PRKN: variants seen among roughly 807,000 people sequenced by gnomAD.
The protein encoded by PRKN is parkin RBR E3 ubiquitin protein ligase.
In PRKN, 56 loss-of-function variants were observed where a neutral mutation model predicts 59.5. The observed-to-expected ratio is 0.94, with a 90% CI of 0.76 to 1.18. The LOEUF (loss-of-function observed/expected upper bound fraction) is 1.18, where lower values mean the gene tolerates loss of function less well. Ranked by LOEUF, PRKN falls within the 50% of genes most tolerant of loss-of-function variation. PRKN has a pLI of 0.00. For synonymous variants in PRKN, 250 were observed against 222.1 expected (o/e 1.13, Z -1.12); for missense variants, 657 against 596.4 (o/e 1.10, Z -1.06).
At chr6:161,570,760 G>A (rs550816756) in intron 7 of PRKN, among the ~76,000 whole-genome samples, 1 of 152,256 alleles carries the variant, frequency 6.6e-6, no homozygotes, top group Admixed American at 6.5e-5. Flanking sequence ...TTTTGGGTGA[G>A]TCAAAAGTTC....
chr6:162,529,836 G>A (rs1778437475), intron 1 of PRKN, among the ~76,000 whole-genome samples: 1 of 152,148 alleles, frequency 6.6e-6, no homozygotes, highest in Non-Finnish European at 1.5e-5. Flanking sequence ...AGTAGATAAA[G>A]TAAAAATCTT....
At chr6:162,480,554 A>G (rs912579874) in intron 1 of PRKN, among the ~76,000 whole-genome samples, 4 of 152,128 alleles carry the variant, frequency 2.6e-5, no homozygotes, top group South Asian at 4.1e-4. Flanking sequence ...GCAGTCACCC[A>G]AACAATGACC....
intron 1 of PRKN, among the ~76,000 whole-genome samples, chr6:162,460,122 C>T (rs774900574): frequency 6.6e-6 from 1 of 152,202 alleles, no homozygotes; most frequent in Non-Finnish European, 1.5e-5. Context: ...CCCAAATGCT[C>T]ATCAATTAAC....
At chr6:162,693,220 C>G (rs1777843968) in intron 1 of PRKN, among the ~76,000 whole-genome samples, 2 of 152,104 alleles carry the variant, frequency 1.3e-5, no homozygotes. Context: ...GATGTATGTG[C>G]CCAGCAGGGT....
intron 1 of PRKN, among the ~76,000 whole-genome samples, chr6:162,606,473 C>G (rs1183804460): frequency 2.0e-5 from 3 of 152,126 alleles, no homozygotes; most frequent in Non-Finnish European, 4.4e-5. Flanking sequence ...AACGTTTGAA[C>G]TGAAAGTGTA....
chr6:162,138,831 C>A (rs1781656744), intron 4 of PRKN, among the ~76,000 whole-genome samples: 1 of 152,038 alleles, frequency 6.6e-6, no homozygotes, highest in South Asian at 2.1e-4. Context: ...AGCAAGAGAA[C>A]CCATTCATAA....
At chr6:162,094,524 T>A (rs753666337) in intron 4 of PRKN, among the ~76,000 whole-genome samples, 30 of 152,074 alleles carry the variant, frequency 2.0e-4, no homozygotes, top group Non-Finnish European at 3.2e-4. Context: ...TTAATTAATT[T>A]AATTTAATTT....
At chr6:161,951,811 G>C (rs1481862992) in intron 6 of PRKN, among the ~76,000 whole-genome samples, 2 of 151,732 alleles carry the variant, frequency 1.3e-5, no homozygotes, top group African/African-American at 4.8e-5. Context: ...AATCCCAGCT[G>C]CTCGGGAGGC....
rs1487479790 is a variant in PRKN, at chr6:161,470,269, T to C, written c.1083+78585A>G. Among the ~76,000 whole-genome samples, 3 of 152,220 alleles carry C rather than the reference T, an allele frequency of 2.0e-5. No homozygotes were observed. The highest frequency in any genetic ancestry group is 2.1e-4 in the South Asian group (1 of 4,830). On this transcript the variant is annotated intron_variant, in intron 9 of 11. Coordinates refer to ENST00000366898, the MANE Select transcript of PRKN (RefSeq NM_004562.3). This position sits in a 1 kb window ranked among gnomAD's most constrained non-coding sequence, Gnocchi z 5.1. The stretch of plus-strand genomic sequence containing the variant: ...TTTAGTTATATTACTACCTTTGCTG[T>C]CATAGGCCCATTAGGGTATTATTTA...
Position 161,890,170 on chromosome 6 carries a change from T to C in PRKN, c.734+83132A>G, listed in dbSNP as rs945674089. Reference sequence around the variant, plus strand: ...ATGAAAATCAGTTCTTATTTTACAGTATTCTGAGAATGTTATCTTACTTCC... The same window carrying C: ...ATGAAAATCAGTTCTTATTTTACAGCATTCTGAGAATGTTATCTTACTTCC... On this transcript the variant is annotated intron_variant, in intron 6 of 11. Coordinates refer to ENST00000366898, the MANE Select transcript of PRKN (RefSeq NM_004562.3). Among the ~76,000 whole-genome samples the C allele has an allele frequency of 4.6e-5, 7 of 152,246 alleles. No homozygotes were observed. The South Asian group carries it at 1.4e-3, about 31-fold the overall frequency.
intron 5 of PRKN, among the ~76,000 whole-genome samples, chr6:161,973,935 T>C (rs1027722696): frequency 5.9e-5 from 9 of 152,120 alleles, no homozygotes; most frequent in Non-Finnish European, 1.3e-4. Context: ...CTACTGTAAA[T>C]AGCCACACAA....
intron 6 of PRKN, among the ~76,000 whole-genome samples, chr6:161,889,687 A>C (rs1795274434): frequency 6.6e-6 from 1 of 152,320 alleles, no homozygotes; most frequent in South Asian, 2.1e-4. Flanking sequence ...TCAAGTGTAC[A>C]TCAAAAGGAA....
intron 3 of PRKN, among the ~76,000 whole-genome samples, chr6:162,249,009 C>T (rs1171052130): frequency 6.6e-6 from 1 of 151,668 alleles, no homozygotes; most frequent in Non-Finnish European, 1.5e-5. Context: ...CTCCCGAGTA[C>T]CTGGGACTAC....
intron 9 of PRKN, among the ~76,000 whole-genome samples, chr6:161,532,105 AAATC>A (rs1458229492): frequency 3.3e-4 from 50 of 151,840 alleles, no homozygotes; most frequent in African/African-American, 7.2e-4. Flanking sequence ...GTTCTATTAA[AAATC>A]AATCAATCTA....
intron 1 of PRKN, among the ~76,000 whole-genome samples, chr6:162,619,607 C>T (rs1782572835): frequency 6.6e-6 from 1 of 152,040 alleles, no homozygotes; most frequent in African/African-American, 2.4e-5. Flanking sequence ...CTGACTGAAT[C>T]TGGACATTTT....
intron 6 of PRKN, among the ~76,000 whole-genome samples, chr6:161,832,538 C>A (rs552519079): frequency 6.7e-6 from 1 of 148,788 alleles, no homozygotes; most frequent in Non-Finnish European, 1.5e-5. Flanking sequence ...GCAGGAGAAT[C>A]GCTTGAACCC....
intron 3 of PRKN, among the ~76,000 whole-genome samples, chr6:162,235,983 A>AAG (rs374404350): frequency 1.2e-4 from 13 of 108,060 alleles, no homozygotes; most frequent in African/African-American, 5.1e-4. Flanking sequence ...GAAAGAAAGA[A>AAG]AGAAAGAAAG....
rs1447206665 is a variant in PRKN, at chr6:162,154,974, A to C, written c.534+46157T>G. 2.0e-5 allele frequency among the ~76,000 whole-genome samples: 3 copies of C among 151,740 alleles called. No homozygotes were observed. The East Asian group carries it at 5.8e-4, about 29-fold the overall frequency. The stretch of plus-strand genomic sequence containing the variant: ...ACTCTGGATTTCAGGTGATGCAAAA[A>C]AAAAAACAAAAAAATTCAAAAAAAG... On this transcript the variant is annotated intron_variant, in intron 4 of 11. Transcript: ENST00000366898.
intron 1 of PRKN, among the ~76,000 whole-genome samples, chr6:162,570,913 A>C (rs1032765548): frequency 6.6e-6 from 1 of 152,228 alleles, no homozygotes; most frequent in African/African-American, 2.4e-5. Flanking sequence ...TTAATTGTGT[A>C]TTTTAAAATA....
Sources: gnomAD v4.1 joint callset for allele counts (sites outside exome capture counted in the v4.1 genomes callset) on GRCh38, gnomAD v4.1.1 for gene constraint, Gnocchi (gnomAD v3.1) non-coding constraint, MANE v1.5 for transcripts, NCBI Gene and HGNC (gene_info 2026-07-23, HGNC 2026-07-21) for gene names.